Variants in RBFOX1 observed in about 807,000 individuals in gnomAD.
RBFOX1 encodes RNA binding protein fox-1 homolog 1.
A neutral mutation model predicts 57.7 loss-of-function variants in RBFOX1; 8 were observed. The observed-to-expected ratio is 0.14, with a 90% CI of 0.08 to 0.25. The LOEUF (loss-of-function observed/expected upper bound fraction) is 0.25, where lower values mean the gene tolerates loss of function less well. Ranked by LOEUF, RBFOX1 falls within the 10% of genes least tolerant of loss-of-function variation. The pLI is 1.00. For missense variants in RBFOX1, 611 were observed against 548.5 expected, an observed-to-expected ratio of 1.11 and a Z score of -1.14; for synonymous variants, 326 against 222.4, an observed-to-expected ratio of 1.47 and a Z score of -4.15.
At chr16:5,324,795 G>A (rs2004857) in intron 1 of RBFOX1, among the ~76,000 whole-genome samples, 146,627 of 152,050 alleles carry the variant, frequency 0.96, 70,919 homozygotes, top group Middle Eastern at 1. Flanking sequence ...CTGACATTGG[G>A]GCCTCTGGAA....
intron 3 of RBFOX1, among the ~76,000 whole-genome samples, chr16:6,998,824 C>G (rs547344784): frequency 6.6e-6 from 1 of 151,988 alleles, no homozygotes; most frequent in African/African-American, 2.4e-5. Flanking sequence ...AATATACCCA[C>G]AAATACTGGA....
intron 3 of RBFOX1, among the ~76,000 whole-genome samples, chr16:5,649,615 G>T (rs1358048918): frequency 6.6e-6 from 1 of 152,174 alleles, no homozygotes; most frequent in Non-Finnish European, 1.5e-5. Flanking sequence ...TTTCTTCCCT[G>T]AGAGATGCAG....
chr16:6,757,306 C>T lies in RBFOX1; in HGVS notation c.-16+102656C>T, dbSNP rs138392519. On this transcript the variant is annotated intron_variant, in intron 3 of 15. Transcript: ENST00000550418. ...CAAAATCCCACTGTGGATATTTACC[C>T]AGAGGAAAGAAAATCAATATCTGAA... Among the ~76,000 whole-genome samples, 111 of 152,140 alleles carry T rather than the reference C, an allele frequency of 7.3e-4. 1 individual carries two copies. Among genetic ancestry groups the T allele is most frequent in the East Asian group, 5.0e-3 (26 of 5,162 alleles).
intron 1 of RBFOX1, among the ~76,000 whole-genome samples, chr16:5,396,356 A>T (rs1477416307): frequency 1.3e-5 from 2 of 152,068 alleles, no homozygotes; most frequent in Admixed American, 6.6e-5. Flanking sequence ...TGAAAGAAGG[A>T]GGGGCGAGGC....
intron 4 of RBFOX1, among the ~76,000 whole-genome samples, chr16:7,493,558 AG>A (rs2067625238): frequency 6.6e-6 from 1 of 151,634 alleles, no homozygotes; most frequent in African/African-American, 2.4e-5. Context: ...AGTACTTACA[AG>A]GGGGAACACA....
At chr16:7,406,332 CT>C (rs1333602603) in intron 4 of RBFOX1, among the ~76,000 whole-genome samples, 1 of 152,162 alleles carries the variant, frequency 6.6e-6, no homozygotes, top group Non-Finnish European at 1.5e-5. Context: ...AGTGGGATTA[CT>C]GCACTGCGTT....
At chr16:5,423,373 A>G (rs1302682327) in intron 1 of RBFOX1, among the ~76,000 whole-genome samples, 1 of 152,130 alleles carries the variant, frequency 6.6e-6, no homozygotes, top group Admixed American at 6.5e-5. Flanking sequence ...TCTCTGATGT[A>G]TAGATTTATG....
intron 2 of RBFOX1, among the ~76,000 whole-genome samples, chr16:6,563,417 C>T (rs1032722094): frequency 5.9e-5 from 9 of 152,122 alleles, no homozygotes; most frequent in Non-Finnish European, 8.8e-5. Flanking sequence ...ACTGGGATCC[C>T]CCCTAGATTG....
At chr16:5,796,251 G>A (rs1208725794) in intron 3 of RBFOX1, among the ~76,000 whole-genome samples, 1 of 152,222 alleles carries the variant, frequency 6.6e-6, no homozygotes, top group East Asian at 1.9e-4. Flanking sequence ...GAAGGAAGTG[G>A]ATGTGGCCCA....
At chr16:5,771,898 G>A (rs561270119) in intron 3 of RBFOX1, among the ~76,000 whole-genome samples, 68 of 152,294 alleles carry the variant, frequency 4.5e-4, no homozygotes, top group African/African-American at 1.4e-3. Flanking sequence ...TTTGGGCTGG[G>A]CACAGTGGCT....
chr16:7,479,327 C>T (rs1454551603), intron 4 of RBFOX1, among the ~76,000 whole-genome samples: 1 of 151,938 alleles, frequency 6.6e-6, no homozygotes, highest in Non-Finnish European at 1.5e-5. Flanking sequence ...ATGGGGGTCT[C>T]ACTTTGTTGC....
intron 4 of RBFOX1, among the ~76,000 whole-genome samples, chr16:7,415,474 T>C (rs1048819421): frequency 2.0e-5 from 3 of 152,084 alleles, no homozygotes; most frequent in African/African-American, 4.8e-5. Context: ...GACCAACCTA[T>C]GGAGAAGGCA....
At chr16:6,794,782 T>C (rs762711309) in intron 3 of RBFOX1, among the ~76,000 whole-genome samples, 13 of 152,156 alleles carry the variant, frequency 8.5e-5, no homozygotes, top group Admixed American at 2.0e-4. Flanking sequence ...ATGTTTAATG[T>C]TTTCTTTCAG....
intron 1 of RBFOX1, among the ~76,000 whole-genome samples, chr16:6,274,127 T>C (rs2075537859): frequency 6.6e-6 from 1 of 152,190 alleles, no homozygotes; most frequent in South Asian, 2.1e-4. Flanking sequence ...CATAGCCACT[T>C]TGAGATATAG....
chr16:6,981,875 G>A (rs558252044), intron 3 of RBFOX1, among the ~76,000 whole-genome samples: 1 of 152,156 alleles, frequency 6.6e-6, no homozygotes, highest in Non-Finnish European at 1.5e-5. Flanking sequence ...CATTTAAGTT[G>A]ATTCCACATC....
chr16:7,536,743 G>A (rs2081569717), intron 5 of RBFOX1, among the ~76,000 whole-genome samples: 2 of 152,226 alleles, frequency 1.3e-5, no homozygotes, highest in African/African-American at 4.8e-5. Flanking sequence ...GATTGTATAT[G>A]TCTCTTTCCA....
intron 5 of RBFOX1, among the ~76,000 whole-genome samples, chr16:7,559,187 A>G (rs1245559623): frequency 6.6e-6 from 1 of 152,214 alleles, no homozygotes; most frequent in East Asian, 1.9e-4. Context: ...TTGTAATCTC[A>G]AATTCAATAT....
At chr16:6,513,424 ACT>A (rs1222924950) in intron 2 of RBFOX1, among the ~76,000 whole-genome samples, 2 of 152,026 alleles carry the variant, frequency 1.3e-5, no homozygotes, top group South Asian at 2.1e-4. Context: ...TGGACTCATG[ACT>A]CTGTGTAAAA....
chr16:5,969,469 G>A (rs987988304), intron 4 of RBFOX1, among the ~76,000 whole-genome samples: 9 of 140,948 alleles, frequency 6.4e-5, no homozygotes, highest in Admixed American at 2.2e-4. Context: ...ATGCCATCAC[G>A]CCTGGCTATT....
Sources: gnomAD v4.1 joint callset for allele counts (sites outside exome capture counted in the v4.1 genomes callset) on GRCh38, gnomAD v4.1.1 for gene constraint, MANE v1.5 for transcripts, NCBI Gene and HGNC (gene_info 2026-07-23, HGNC 2026-07-21) for gene names.